CEP164: variants seen among roughly 807,000 people sequenced by gnomAD.
CEP164 encodes centrosomal protein of 164 kDa.
In CEP164, 162 loss-of-function variants were observed where a neutral mutation model predicts 182.7. The observed-to-expected ratio is 0.89, with a 90% CI of 0.78 to 1.01. The LOEUF (loss-of-function observed/expected upper bound fraction) is 1.01. CEP164 is among the 50% of genes least tolerant of loss of function. The pLI is 0.00. For synonymous variants in CEP164, 661 were observed against 690.0 expected (o/e 0.96, Z 0.66); for missense variants, 1,735 against 1,790.4 (o/e 0.97, Z 0.56).
chr11:117,351,828 C>G lies in CEP164; in HGVS notation c.233C>G (p.Ala78Gly), dbSNP rs2039670463. Residue 78 changes from alanine to glycine, a missense_variant, in exon 5 of 33, where the codon GCC becomes GGC. Ala to Gly is a moderately conservative substitution (Grantham distance 60). Transcript: ENST00000278935. ...GGTGACATTTACTATTTCAACTTCG[C>G]CAACGGGCAGTCTATGTGGGACCAT... ...ITGDIYYFNF[A>G]NGQSMWDHPC... 3 of 1,613,934 alleles carry G rather than the reference C, an allele frequency of 1.9e-6. No individual in the cohort carries two copies. The highest frequency in any genetic ancestry group is 1.6e-4 in the Middle Eastern group (1 of 6,062).
chr11:117,412,811 GC>G lies in CEP164; in HGVS notation c.*644del, dbSNP rs2047485647. 1 of 152,622 alleles carries G rather than the reference GC, an allele frequency of 6.6e-6. No individual in the cohort carries two copies. The highest frequency in any genetic ancestry group is 2.4e-5 in the African/African-American group (1 of 41,398). 9.5% of individuals were successfully genotyped at this position (152,622 alleles called of 1,614,324 possible). A position where few individuals can be genotyped will look rare whatever the true frequency, so the allele number is the denominator to read the frequency against. On this transcript the variant is annotated 3_prime_UTR_variant, in exon 33 of 33. Coordinates refer to ENST00000278935, the MANE Select transcript of CEP164 (RefSeq NM_014956.5). ...GGTGCTGGGGGCTGTCCCTCTGCAG[GC>G]ACTGTGTTTTCCTCAGGGGCTGTCC... is the stretch of plus-strand genomic sequence containing the variant.
chr11:117,396,660 G>A, intron 26 of CEP164, 49 bp downstream of exon 26: 1 of 1,393,356 alleles, frequency 7.2e-7, no homozygotes, highest in South Asian at 1.2e-5. Flanking sequence ...CCATGAAGGG[G>A]TAAGTGAGTA....
At chr11:117,347,284 C>T (rs1381756847) in intron 4 of CEP164, among the ~76,000 whole-genome samples, 1 of 152,216 alleles carries the variant, frequency 6.6e-6, no homozygotes, top group African/African-American at 2.4e-5. Context: ...ACACCAGTAC[C>T]ATTCTGTCTT....
chr11:117,341,708 C>T (rs758616803), intron 3 of CEP164, among the ~76,000 whole-genome samples: 3 of 151,716 alleles, frequency 2.0e-5, no homozygotes, highest in Admixed American at 6.6e-5. Context: ...AGTCTCCCAA[C>T]GTGCTGGGAT....
chr11:117,384,833 G>A (rs1370578413), intron 14 of CEP164: 1 of 152,308 alleles, frequency 6.6e-6, no homozygotes, highest in Non-Finnish European at 1.5e-5. Context: ...AGCTTCCAAA[G>A]GTGTAGTCAA....
rs1266411518 is a variant in CEP164 at position 117,373,744 on chromosome 11, T to G, written c.1153-7T>G. 1.9e-6 allele frequency: 3 copies of G among 1,613,532 alleles called. No homozygotes were observed. Among genetic ancestry groups the G allele is most frequent in the Non-Finnish European group, 2.5e-6 (3 of 1,179,494 alleles). ...TGAGGGATTTCTCTGTGGGTCTGTC[T>G]CTCCAGGAACTGGAAATTAGTGAAC... On this transcript the variant is annotated splice_polypyrimidine_tract_variant and splice_region_variant and intron_variant, in intron 9 of 32. Coordinates refer to ENST00000278935, the MANE Select transcript of CEP164 (RefSeq NM_014956.5).
chr11:117,381,499 G>T (rs1052619670), intron 12 of CEP164, among the ~76,000 whole-genome samples: 1 of 152,114 alleles, frequency 6.6e-6, no homozygotes, highest in Non-Finnish European at 1.5e-5. Context: ...TAGGTAAAAG[G>T]AGGGCTCAGG....
intron 6 of CEP164, among the ~76,000 whole-genome samples, 169 bp downstream of exon 6, chr11:117,362,162 G>A (rs188292128): frequency 4.6e-5 from 7 of 152,300 alleles, no homozygotes; most frequent in Non-Finnish European, 8.8e-5. Context: ...GTGGACTCTG[G>A]GCTGTGGAGG....
chr11:117,350,875 C>T (rs2135423115), intron 4 of CEP164, among the ~76,000 whole-genome samples: 1 of 152,014 alleles, frequency 6.6e-6, no homozygotes, highest in South Asian at 2.1e-4. Flanking sequence ...TTGCATTACT[C>T]TTTTCCTGTT....
At chr11:117,368,558 G>A (rs557875968) in intron 8 of CEP164, among the ~76,000 whole-genome samples, 4 of 152,116 alleles carry the variant, frequency 2.6e-5, no homozygotes, top group African/African-American at 7.2e-5. Context: ...ACTTCAAGCC[G>A]GGGGGAGCCT....
intron 5 of CEP164, among the ~76,000 whole-genome samples, chr11:117,360,162 T>A (rs2040770222): frequency 6.6e-6 from 1 of 152,106 alleles, no homozygotes; most frequent in Non-Finnish European, 1.5e-5. Flanking sequence ...GACAGGGTCA[T>A]TTTTATTTTT....
chr11:117,389,079 C>T (rs549042218), intron 15 of CEP164, among the ~76,000 whole-genome samples: 51 of 152,264 alleles, frequency 3.3e-4, no homozygotes, highest in Admixed American at 2.1e-3. Context: ...CAAATTTTCT[C>T]TCTTAATGGA....
chr11:117,397,898 C>T (rs1205534945), intron 27 of CEP164, among the ~76,000 whole-genome samples: 2 of 152,182 alleles, frequency 1.3e-5, no homozygotes, highest in African/African-American at 4.8e-5. Context: ...CTCCATATCT[C>T]ATGTCCTCAC....
At chr11:117,367,424 A>T (rs2041765310) in intron 8 of CEP164, among the ~76,000 whole-genome samples, 1 of 152,156 alleles carries the variant, frequency 6.6e-6, no homozygotes, top group Admixed American at 6.5e-5. Flanking sequence ...TCATGTGAAA[A>T]TTTTCTTTTG....
At chr11:117,323,342 C>T (rs534437419), upstream of CEP164, among the ~76,000 whole-genome samples, 49 of 151,596 alleles carry the variant, frequency 3.2e-4, no homozygotes, top group Admixed American at 1.3e-3. Flanking sequence ...TGAGATCATG[C>T]GGTATTTGTC....
chr11:117,388,036 C>T (rs1204961460), intron 15 of CEP164, among the ~76,000 whole-genome samples: 1 of 151,670 alleles, frequency 6.6e-6, no homozygotes, highest in Admixed American at 6.6e-5. Context: ...CAGACACCTC[C>T]AACCCCCTAG....
intron 5 of CEP164, among the ~76,000 whole-genome samples, chr11:117,360,219 A>G (rs547796729): frequency 1.3e-5 from 2 of 151,936 alleles, no homozygotes; most frequent in African/African-American, 2.4e-5. Flanking sequence ...TGCAGTGGTT[A>G]TATCTCACAG....
intron 27 of CEP164, among the ~76,000 whole-genome samples, chr11:117,402,574 CTGTT>C (rs1017700948): frequency 2.9e-4 from 44 of 152,226 alleles, no homozygotes; most frequent in African/African-American, 9.1e-4. Context: ...GTCTGAGAGA[CTGTT>C]TGTTATGATT....
chr11:117,375,733 C>T lies in CEP164; in HGVS notation c.1259C>T (p.Ser420Leu), dbSNP rs1324951273. 2.0e-5 allele frequency: 32 copies of T among 1,613,964 alleles called. No individual in the cohort carries two copies. The highest frequency in any genetic ancestry group is 2.4e-5 in the Non-Finnish European group (28 of 1,180,016). ...GLDFGFRSRI[S>L]EHLLDVDVLS... ...GACTTCGGTTTTCGCAGCCGGATCT[C>T]GGAGCACCTGCTGGATGTTGATGTG... The change falls in exon 11 of 33, where the codon TCG becomes TTG. Residue 420 changes from serine (S) to leucine (L), a missense_variant. By Grantham distance (145) the Ser-to-Leu change is moderately radical. Transcript: ENST00000278935.
Sources: allele counts gnomAD v4.1 joint callset (sites outside exome capture counted in the v4.1 genomes callset), GRCh38; gene constraint gnomAD v4.1.1; transcripts MANE v1.5; gene names NCBI Gene and HGNC (gene_info 2026-07-23, HGNC 2026-07-21).